Variants in LRRC4C observed in about 807,000 individuals in gnomAD.
The protein encoded by LRRC4C is leucine-rich repeat-containing protein 4C.
LRRC4C carries 5 observed loss-of-function variants against 33.6 expected under a neutral mutation model. That is an observed-to-expected ratio of 0.15 (90% confidence interval 0.08 to 0.31). LRRC4C has a LOEUF of 0.31. Ranked by LOEUF, LRRC4C falls within the 10% of genes least tolerant of loss-of-function variation. The pLI is 1.00. For missense variants in LRRC4C, 560 were observed against 796.7 expected (o/e 0.70, Z 3.58); for synonymous variants, 329 against 302.0 (o/e 1.09, Z -0.93).
intron 2 of LRRC4C, among the ~76,000 whole-genome samples, chr11:40,895,451 C>T (rs985336115): frequency 3.9e-5 from 6 of 152,182 alleles, no homozygotes; most frequent in East Asian, 1.9e-4. Flanking sequence ...AACATCCTAT[C>T]GCTTTTGCAG....
chr11:40,709,492 G>A (rs1946350299), intron 2 of LRRC4C, among the ~76,000 whole-genome samples: 3 of 152,048 alleles, frequency 2.0e-5, no homozygotes, highest in Admixed American at 2.0e-4. Flanking sequence ...ATGAAATTCT[G>A]GGTGGAAAAT....
chr11:40,160,386 T>TA (rs1491443152), intron 5 of LRRC4C, among the ~76,000 whole-genome samples: 1 of 152,114 alleles, frequency 6.6e-6, no homozygotes. Context: ...ATCACAAGAC[T>TA]AAAGATGGTT....
At chr11:40,947,484 T>C (rs1181733665) in intron 1 of LRRC4C, among the ~76,000 whole-genome samples, 1 of 152,128 alleles carries the variant, frequency 6.6e-6, no homozygotes, top group East Asian at 1.9e-4. Flanking sequence ...ATGCTACCTA[T>C]TACCTAGTGA....
At chr11:41,095,096 A>C (rs1402593028) in intron 1 of LRRC4C, among the ~76,000 whole-genome samples, 1 of 152,212 alleles carries the variant, frequency 6.6e-6, no homozygotes. Flanking sequence ...AAAGAGGTTT[A>C]ATTGACTCAC....
intron 1 of LRRC4C, among the ~76,000 whole-genome samples, chr11:41,448,567 A>C (rs2138619754): frequency 6.6e-6 from 1 of 152,162 alleles, no homozygotes; most frequent in Non-Finnish European, 1.5e-5. Flanking sequence ...CCGCCTCCCA[A>C]AGTGCTGTGA....
chr11:40,697,759 A>C (rs918590250), intron 2 of LRRC4C, among the ~76,000 whole-genome samples: 2 of 152,108 alleles, frequency 1.3e-5, no homozygotes, highest in Admixed American at 1.3e-4. Flanking sequence ...AGTTTGTTCA[A>C]CTTCTCCTGC....
At chr11:40,985,880 T>C (rs939449624) in intron 1 of LRRC4C, among the ~76,000 whole-genome samples, 8 of 152,112 alleles carry the variant, frequency 5.3e-5, no homozygotes, top group African/African-American at 1.9e-4. Context: ...ACTTGAAAAC[T>C]GTGCTGTTGT....
At chr11:40,670,873 C>T (rs1480115630) in intron 2 of LRRC4C, among the ~76,000 whole-genome samples, 1 of 152,326 alleles carries the variant, frequency 6.6e-6, no homozygotes, top group Admixed American at 6.5e-5. Flanking sequence ...ACGCCATTCT[C>T]CTGCCTCAGC....
At chr11:40,436,796 T>C (rs1345252491) in intron 3 of LRRC4C, among the ~76,000 whole-genome samples, 2 of 152,160 alleles carry the variant, frequency 1.3e-5, no homozygotes, top group Non-Finnish European at 2.9e-5. Flanking sequence ...AACAGCACTG[T>C]CAGCAGCTGC....
chr11:40,373,729 G>A (rs1159493909), intron 3 of LRRC4C, among the ~76,000 whole-genome samples: 1 of 152,052 alleles, frequency 6.6e-6, no homozygotes, highest in Non-Finnish European at 1.5e-5. Context: ...TAGGTCATGC[G>A]AGAGCTGGTT....
chr11:40,803,767 C>G (rs971190598), intron 2 of LRRC4C, among the ~76,000 whole-genome samples: 1 of 152,004 alleles, frequency 6.6e-6, no homozygotes, highest in African/African-American at 2.4e-5. Flanking sequence ...GCCACCACGC[C>G]CGGCCTAATT....
intron 4 of LRRC4C, among the ~76,000 whole-genome samples, chr11:40,311,918 C>T (rs1379326372): frequency 6.6e-5 from 9 of 136,860 alleles, no homozygotes; most frequent in Non-Finnish European, 1.2e-4. Flanking sequence ...GCACTCCAGC[C>T]TGGAGACAGA....
At chr11:41,289,828 G>T (rs1175238349) in intron 1 of LRRC4C, among the ~76,000 whole-genome samples, 3 of 152,178 alleles carry the variant, frequency 2.0e-5, no homozygotes, top group Non-Finnish European at 2.9e-5. Context: ...ATTCAGAAAG[G>T]AAGTCAAGAC....
intron 3 of LRRC4C, among the ~76,000 whole-genome samples, chr11:40,565,402 T>C (rs1223708684): frequency 2.0e-5 from 3 of 152,214 alleles, no homozygotes; most frequent in Admixed American, 1.3e-4. Flanking sequence ...GAGTTCATGC[T>C]AAAATTATAC....
chr11:40,994,289 C>G (rs972496344), intron 1 of LRRC4C, among the ~76,000 whole-genome samples: 2 of 152,022 alleles, frequency 1.3e-5, no homozygotes, highest in Non-Finnish European at 2.9e-5. Context: ...TTTCTATTAC[C>G]TAAAAGTGAG....
At chr11:40,918,956 A>C (rs1592092057) in intron 2 of LRRC4C, among the ~76,000 whole-genome samples, 1 of 152,296 alleles carries the variant, frequency 6.6e-6, no homozygotes, top group East Asian at 1.9e-4. Context: ...AAAATTGAGA[A>C]AGTGATTGTA....
At chr11:41,153,289 T>C (rs952904702) in intron 1 of LRRC4C, among the ~76,000 whole-genome samples, 3 of 152,124 alleles carry the variant, frequency 2.0e-5, no homozygotes, top group Admixed American at 6.6e-5. Flanking sequence ...ATCAACTGAG[T>C]TGAATACTTT....
intron 5 of LRRC4C, among the ~76,000 whole-genome samples, chr11:40,202,328 A>G (rs1862824231): frequency 6.6e-6 from 1 of 151,756 alleles, no homozygotes; most frequent in Non-Finnish European, 1.5e-5. Flanking sequence ...GCTGATTAAC[A>G]ACTGTGTTCC....
In LRRC4C at chr11:40,115,909, A is replaced by G; in HGVS notation, c.384T>C (p.Thr128=). The G allele has an allele frequency of 3.1e-6, 5 of 1,614,064 alleles. No homozygotes were observed. The highest frequency in any genetic ancestry group is 4.2e-6 in the Non-Finnish European group (5 of 1,180,004). ...TAAGACGATTGTCAAAGAGTTCCAG[A>G]GTGTTGAGGTTCGCCAGACCATTGA... is the stretch of plus-strand genomic sequence containing the variant. ...GAFNGLANLN[T]LELFDNRLTT... Residue 128 remains threonine (T), a synonymous_variant, in exon 7 of 7, where the codon ACT becomes ACC. Transcript: ENST00000528697. The surrounding 1 kb of genome is among the most constrained non-coding windows in gnomAD (Gnocchi z 6.7).
Sources: allele counts gnomAD v4.1 joint callset (sites outside exome capture counted in the v4.1 genomes callset), GRCh38; gene constraint gnomAD v4.1.1; non-coding constraint Gnocchi (gnomAD v3.1); transcripts MANE v1.5; gene names NCBI Gene and HGNC (gene_info 2026-07-23, HGNC 2026-07-21).